PDLIM7: variants seen among roughly 807,000 people sequenced by gnomAD.
The protein encoded by PDLIM7 is PDZ and LIM domain protein 7.
PDLIM7 carries 37 observed loss-of-function variants against 53.9 expected under a neutral mutation model. That is an observed-to-expected ratio of 0.69 (90% confidence interval 0.53 to 0.90). The LOEUF is 0.90. Among genes scored for constraint, PDLIM7 ranks in the 40% least tolerant of loss-of-function variants. PDLIM7 has a pLI of 0.00. For missense variants in PDLIM7, 617 were observed against 638.5 expected, an observed-to-expected ratio of 0.97 and a Z score of 0.36; for synonymous variants, 300 against 261.3, an observed-to-expected ratio of 1.15 and a Z score of -1.43.
chr5:177,486,496 TCTCA>T (rs1288465370), intron 10 of PDLIM7, among the ~76,000 whole-genome samples: 5 of 152,108 alleles, frequency 3.3e-5, no homozygotes, highest in African/African-American at 1.2e-4. Context: ...GGCTGGCTCT[TCTCA>T]CTGTCTGGTG....
chr5:177,488,889 CAAAA>C (rs56297561), intron 9 of PDLIM7, among the ~76,000 whole-genome samples: 1 of 105,966 alleles, frequency 9.4e-6, no homozygotes. Flanking sequence ...GACTCTGTTT[CAAAA>C]AAAAAAAAAA....
intron 10 of PDLIM7, among the ~76,000 whole-genome samples, chr5:177,486,931 CTTTTTTTTTTTTTTTTTTTTTTTTT>C (rs60583245): frequency 4.1e-5 from 2 of 48,692 alleles, no homozygotes; most frequent in African/African-American, 1.4e-4. Flanking sequence ...GTGCCTGGCC[CTTTTTTTTTTTTTTTTTTTTTTTTT>C]TTTTTTTTTT....
rs559651634 is a variant in PDLIM7 at position 177,492,390 on chromosome 5, C to T, written c.279+15G>A. On this transcript the variant is annotated intron_variant, in intron 4 of 12. Coordinates refer to ENST00000355841, the MANE Select transcript of PDLIM7 (RefSeq NM_005451.5). ...CACACCGCCCACCGCCCGGATGTCC[C>T]GGCCAGCCTCGTACCTTCTGCGGTT... 14 of 1,612,592 alleles carry T rather than the reference C, an allele frequency of 8.7e-6. No homozygotes were observed. The highest frequency in any genetic ancestry group is 5.3e-5 in the African/African-American group (4 of 75,008).
At chr5:177,491,638 C>G (rs1249067887) in intron 5 of PDLIM7, 169 bp downstream of exon 5, 2 of 620,630 alleles carry the variant, frequency 3.2e-6, no homozygotes, top group Non-Finnish European at 5.6e-6. Context: ...CAAGGCGCCA[C>G]AGCCTCGGGA....
rs1758747170 is a variant in PDLIM7 at position 177,491,038 on chromosome 5, G to A, written c.507C>T (p.Ile169=). The A allele has an allele frequency of 6.2e-7, 1 of 1,613,164 alleles. No homozygotes were observed. The highest frequency in any genetic ancestry group is 8.5e-7 in the Non-Finnish European group (1 of 1,179,632). The change falls in exon 6 of 13, where the codon ATC becomes ATT. Residue 169 remains isoleucine, a synonymous_variant. Coordinates refer to ENST00000355841, the MANE Select transcript of PDLIM7 (RefSeq NM_005451.5). The part of the protein sequence containing the change: ...PGTGQSRSFR[I]LAHLTGTEFM... ...ACTCGGTGCCTGTGAGGTGGGCAAG[G>A]ATGCGGAAGGAACGCGACTGGCCTG...
In PDLIM7 at chr5:177,483,849, G is replaced by A. The variant is rs201798568; in HGVS notation, c.1287+18C>T. ...GGCCGGTGGGCTTGGGGCTCAGTTC[G>A]AGGGGCGGGGCTCTCACCGCACAGA... On this transcript the variant is annotated intron_variant, in intron 12 of 12. Coordinates refer to ENST00000355841, the MANE Select transcript of PDLIM7 (RefSeq NM_005451.5). 1.8e-4 allele frequency: 288 copies of A among 1,608,648 alleles called. 3 individuals are homozygous for A. The highest frequency in any genetic ancestry group is 8.3e-4 in the African/African-American group (62 of 74,776).
At position 177,496,520 on chromosome 5, in the gene PDLIM7, G is replaced by T; in HGVS notation, c.-8C>A. The stretch of plus-strand genomic sequence containing the variant: ...TACTTTGAAGGAATCCATGATGCCG[G>T]CTCCTGAGAGGAGAGAAGAGAAGGT... On this transcript the variant is annotated 5_prime_UTR_variant, in exon 2 of 13. Transcript: ENST00000355841. 1.3e-6 allele frequency: 2 copies of T among 1,579,756 alleles called. No individual in the cohort carries two copies. The highest frequency in any genetic ancestry group is 1.7e-6 in the Non-Finnish European group (2 of 1,163,006).
At chr5:177,490,793 C>T (rs916775367) in intron 7 of PDLIM7, 77 bp downstream of exon 7, 1 of 1,522,984 alleles carries the variant, frequency 6.6e-7, no homozygotes, top group Non-Finnish European at 9.1e-7. Context: ...AGCTGGGAGC[C>T]TCAGGAGTAG....
intron 9 of PDLIM7, among the ~76,000 whole-genome samples, chr5:177,488,533 G>A (rs1188822418): frequency 6.6e-6 from 1 of 152,180 alleles, no homozygotes; most frequent in East Asian, 1.9e-4. Context: ...AAGCTGAGCC[G>A]CCCCTGGGCA....
chr5:177,494,637 G>A (rs541592815), intron 2 of PDLIM7, among the ~76,000 whole-genome samples: 12 of 152,240 alleles, frequency 7.9e-5, no homozygotes, highest in Admixed American at 3.3e-4. Flanking sequence ...TGTTCAGAGC[G>A]TGGGGAGGGC....
intron 9 of PDLIM7, among the ~76,000 whole-genome samples, chr5:177,489,019 A>T (rs1347183843): frequency 6.6e-6 from 1 of 152,108 alleles, no homozygotes; most frequent in African/African-American, 2.4e-5. Flanking sequence ...CAGTGCACAG[A>T]GGGAGTGGCT....
chr5:177,489,653 G>C (rs1282301664), intron 8 of PDLIM7, 26 bp from the exon 9 acceptor site: 2 of 1,543,552 alleles, frequency 1.3e-6, no homozygotes, highest in South Asian at 2.4e-5. Context: ...ACTCTAAAGG[G>C]GTGCCCAGGG....
intron 9 of PDLIM7, 63 bp downstream of exon 9, chr5:177,489,318 AAGACAGGTGGGC>A (rs1328703771): frequency 8.6e-6 from 10 of 1,163,568 alleles, no homozygotes; most frequent in Admixed American, 2.4e-5. Flanking sequence ...CAGCTGAGGC[AAGACAGGTGGGC>A]AGACAGGTGG....
At position 177,496,486 on chromosome 5, in the gene PDLIM7, C is replaced by T. The variant is rs1483327217; in HGVS notation, c.27G>A (p.Glu9=). 2 of 1,601,186 alleles carry T rather than the reference C, an allele frequency of 1.2e-6. No homozygotes were observed. Among genetic ancestry groups the T allele is most frequent in the East Asian group, 2.3e-5 (1 of 43,588 alleles). ...GCCGGAAGCCCCAAGGTGCTGGCCC[C>T]TCCAGCACTACTTTGAAGGAATCCA... is the stretch of plus-strand genomic sequence containing the variant. MDSFKVVL[E]GPAPWGFRLQ... is the part of the protein sequence containing the mutation. The change falls in exon 2 of 13, where the codon GAG becomes GAA. Residue 9 remains glutamate, a synonymous_variant. Coordinates refer to ENST00000355841, the MANE Select transcript of PDLIM7 (RefSeq NM_005451.5).
rs1281730557 is a variant in PDLIM7 at position 177,491,067 on chromosome 5, CCGGCCG to C, written c.472_477del (p.Arg158_Pro159del). The C allele has an allele frequency of 3.7e-6, 6 of 1,610,348 alleles. No homozygotes were observed. Among genetic ancestry groups the C allele is most frequent in the South Asian group, 2.2e-5 (2 of 90,710 alleles). Reference sequence around the variant, plus strand: ...CGGAAGGAACGCGACTGGCCTGTCCCCGGCCGCGGCCGCCAGTCCTCTGTGTTCTCC... The same window carrying C: ...CGGAAGGAACGCGACTGGCCTGTCCCCGGCCGCCAGTCCTCTGTGTTCTCC... On this transcript the variant is annotated inframe_deletion, in exon 6 of 13. Coordinates refer to ENST00000355841, the MANE Select transcript of PDLIM7 (RefSeq NM_005451.5).
intron 4 of PDLIM7, 132 bp downstream of exon 4, chr5:177,492,273 G>A: frequency 4.2e-6 from 5 of 1,194,978 alleles, no homozygotes; most frequent in East Asian, 2.6e-5. Flanking sequence ...CCCTAGACCC[G>A]CCTTAGCTCC....
intron 2 of PDLIM7, 37 bp from the exon 3 acceptor site, chr5:177,492,714 C>T: frequency 6.3e-7 from 1 of 1,584,352 alleles, no homozygotes. Flanking sequence ...AGGCCCTGGA[C>T]CCTGCAGACC....
At chr5:177,486,753 C>G (rs981875745) in intron 10 of PDLIM7, among the ~76,000 whole-genome samples, 2 of 152,056 alleles carry the variant, frequency 1.3e-5, no homozygotes, top group African/African-American at 2.4e-5. Context: ...ATTCTCCTGC[C>G]TCAGCCTCCC....
At chr5:177,496,685 G>C in intron 1 of PDLIM7, 162 bp from the exon 2 acceptor site, 1 of 457,104 alleles carries the variant, frequency 2.2e-6, no homozygotes, top group South Asian at 3.6e-5. Context: ...AGGCTGGCCT[G>C]GGCTGCTGGC....
Sources: allele counts gnomAD v4.1 joint callset (sites outside exome capture counted in the v4.1 genomes callset), GRCh38; gene constraint gnomAD v4.1.1; transcripts MANE v1.5; gene names NCBI Gene and HGNC (gene_info 2026-07-23, HGNC 2026-07-21).